RASA3: variants seen among roughly 807,000 people sequenced by gnomAD.
RASA3 encodes RAS p21 protein activator 3.
In RASA3, 73 loss-of-function variants were observed where a neutral mutation model predicts 110.0. The ratio of observed to expected loss-of-function variants is 0.66; its 90% CI spans 0.55 to 0.81. RASA3 has a LOEUF of 0.81. RASA3 is among the 30% of genes least tolerant of loss of function. RASA3 has a pLI of 0.00. For missense variants in RASA3, 976 were observed against 1,113.2 expected (o/e 0.88, Z 1.75); for synonymous variants, 500 against 451.4 (o/e 1.11, Z -1.37).
intron 2 of RASA3, among the ~76,000 whole-genome samples, chr13:114,069,163 C>T (rs2079509557): frequency 6.6e-6 from 1 of 152,064 alleles, no homozygotes; most frequent in African/African-American, 2.4e-5. Context: ...TTCCGCCTTT[C>T]CTTCCTCACA....
chr13:114,110,323 C>T (rs1000198421), intron 1 of RASA3, among the ~76,000 whole-genome samples: 5 of 152,216 alleles, frequency 3.3e-5, no homozygotes, highest in Non-Finnish European at 7.3e-5. Context: ...TGTGCTGTAA[C>T]GCCTGCAAGG....
Position 114,041,050 on chromosome 13 carries a change from T to C in RASA3, c.322A>G (p.Arg108Gly), listed in dbSNP as rs775557003. 1 of 1,613,852 alleles carries C rather than the reference T, an allele frequency of 6.2e-7. No individual in the cohort carries two copies. The highest frequency in any genetic ancestry group is 1.7e-4 in the Middle Eastern group (1 of 6,056). The change falls in exon 4 of 24, where the codon AGG becomes GGG. Residue 108 changes from arginine to glycine, a missense_variant. Arg to Gly is a moderately radical substitution (Grantham distance 125). Around this residue, in one of 4 missense-constraint regions of RASA3, gnomAD observed 732 missense variants for 779.7 expected, o/e 0.94. Transcript: ENST00000334062. ...QKEDLQKYHNRDTWFQLQHVD... is the reference protein window; with the variant it reads ...QKEDLQKYHNGDTWFQLQHVD... ...TGCTGCAGCTGGAACCAGGTGTCCC[T>C]GTTGTGGTACTTCTGCAAGTCCTCC...
rs2053830494 is a variant in RASA3, at chr13:114,017,973, A to C, written c.1091+131T>G. On this transcript the variant is annotated intron_variant, in intron 11 of 23. Coordinates refer to ENST00000334062, the MANE Select transcript of RASA3 (RefSeq NM_007368.4). ...AACTGGGTCTGTGAAAGAAAACCTG[A>C]ATCAACATGGTTTCTGGGGACCCTT... 2.8e-6 allele frequency: 3 copies of C among 1,089,528 alleles called. No individual in the cohort carries two copies. In the South Asian group the frequency reaches 6.5e-5, roughly 24 times the overall value. The allele number at this position is 1,089,528 out of a possible 1,614,324, so 67.5% of individuals were successfully genotyped here.
intron 19 of RASA3, among the ~76,000 whole-genome samples, chr13:114,000,248 G>A (rs1190136702): frequency 1.3e-5 from 2 of 151,848 alleles, no homozygotes; most frequent in Non-Finnish European, 1.5e-5. Context: ...TGGGGATGAT[G>A]GCTGAATCAC....
chr13:114,109,657 A>C (rs539188117), intron 1 of RASA3, among the ~76,000 whole-genome samples: 1 of 152,060 alleles, frequency 6.6e-6, no homozygotes, highest in African/African-American at 2.4e-5. Flanking sequence ...GGAGCCCAGG[A>C]CTCTCTGACT....
At chr13:114,018,705 G>A (rs142773428) in intron 10 of RASA3, 58 bp downstream of exon 10, 5 of 1,591,654 alleles carry the variant, frequency 3.1e-6, no homozygotes, top group East Asian at 4.5e-5. Flanking sequence ...TGTAGGGTGG[G>A]GCCCCAGGCA....
At chr13:114,007,876 G>T (rs183691376) in intron 17 of RASA3, among the ~76,000 whole-genome samples, 180 of 152,390 alleles carry the variant, frequency 1.2e-3, no homozygotes, top group African/African-American at 4.1e-3. Context: ...CCACCCAGGG[G>T]TGACTCTAAG....
intron 19 of RASA3, among the ~76,000 whole-genome samples, chr13:114,000,001 C>T (rs1380398302): frequency 1.5e-5 from 1 of 66,748 alleles, no homozygotes; most frequent in African/African-American, 6.5e-5. Context: ...GGATCTCTAC[C>T]GGGGGGTCTC....
intron 4 of RASA3, among the ~76,000 whole-genome samples, chr13:114,031,293 C>T (rs538038677): frequency 4.0e-5 from 6 of 150,862 alleles, no homozygotes; most frequent in African/African-American, 9.8e-5. Flanking sequence ...GTCTGCCTGT[C>T]GGTGTCTGCC....
chr13:114,034,028 G>A (rs1279593505), intron 4 of RASA3, among the ~76,000 whole-genome samples: 3 of 152,226 alleles, frequency 2.0e-5, no homozygotes, highest in African/African-American at 7.2e-5. Flanking sequence ...CCGCCTGGCA[G>A]CGGGCCTGCT....
At chr13:114,058,429 A>C (rs1488273608) in intron 2 of RASA3, among the ~76,000 whole-genome samples, 2 of 152,234 alleles carry the variant, frequency 1.3e-5, no homozygotes, top group African/African-American at 4.8e-5. Flanking sequence ...TCGGGTGCTC[A>C]CCAGCCCGTG....
chr13:114,059,089 G>A (rs953993365), intron 2 of RASA3, among the ~76,000 whole-genome samples: 4 of 152,208 alleles, frequency 2.6e-5, no homozygotes, highest in Non-Finnish European at 5.9e-5. Flanking sequence ...CGAAGCGGAG[G>A]ATTGCTTGAG....
intron 9 of RASA3, among the ~76,000 whole-genome samples, chr13:114,019,386 C>T (rs998874005): frequency 2.6e-5 from 4 of 152,368 alleles, no homozygotes; most frequent in South Asian, 2.1e-4. Flanking sequence ...GTTTTCTGCC[C>T]GGACATTCTT....
At chr13:114,090,869 T>A (rs547042448) in intron 1 of RASA3, among the ~76,000 whole-genome samples, 5 of 152,068 alleles carry the variant, frequency 3.3e-5, no homozygotes, top group Non-Finnish European at 7.4e-5. Context: ...AAGTTTCAAG[T>A]AGAAGGTGGA....
intron 3 of RASA3, among the ~76,000 whole-genome samples, chr13:114,050,719 C>A (rs566060280): frequency 2.0e-5 from 3 of 152,366 alleles, no homozygotes; most frequent in African/African-American, 7.2e-5. Context: ...AGACAGCCTA[C>A]GCGTTACCTA....
rs113941822 is a variant in RASA3, at chr13:114,048,246, T to A, written c.277+3806A>T. Among the ~76,000 whole-genome samples, 1 of 141,702 alleles carries A rather than the reference T, an allele frequency of 7.1e-6. No individual in the cohort carries two copies. The highest frequency in any genetic ancestry group is 7.2e-5 in the Admixed American group (1 of 13,904). The allele number at this position is 141,702 out of a possible 152,430, so 93.0% of individuals were successfully genotyped here. ...AGGAGAATGGCGTGAACCCGGGAGG[T>A]GGAGGTTGCAGTGAGCCGAGATCGC... On this transcript the variant is annotated intron_variant, in intron 3 of 23. Coordinates refer to ENST00000334062, the MANE Select transcript of RASA3 (RefSeq NM_007368.4). The surrounding 1 kb of genome is among the most constrained non-coding windows in gnomAD (Gnocchi z 4.3).
intron 1 of RASA3, among the ~76,000 whole-genome samples, chr13:114,101,356 C>A (rs1165730007): frequency 6.6e-6 from 1 of 152,204 alleles, no homozygotes; most frequent in East Asian, 1.9e-4. Flanking sequence ...GGCCCCAGCA[C>A]CCCCTGCACC....
Position 114,076,649 on chromosome 13 carries a change from C to T in RASA3, c.56-2812G>A, listed in dbSNP as rs1005271916. Reference sequence around the variant, plus strand: ...GGCACGAAGGGGAGAACATGGCCGGCGAGCTTCTCCAGAGAGGGAAGGGAG... The same window carrying T: ...GGCACGAAGGGGAGAACATGGCCGGTGAGCTTCTCCAGAGAGGGAAGGGAG... On this transcript the variant is annotated intron_variant, in intron 1 of 23. Transcript: ENST00000334062. 4.6e-5 allele frequency among the ~76,000 whole-genome samples: 7 copies of T among 152,166 alleles called. No homozygotes were observed. In the South Asian group the frequency reaches 8.3e-4, roughly 18 times the overall value.
At position 114,048,111 on chromosome 13, in the gene RASA3, A is replaced by C. The variant is rs933819140; in HGVS notation, c.277+3941T>G. Among the ~76,000 whole-genome samples, 2 of 152,116 alleles carry C rather than the reference A, an allele frequency of 1.3e-5. No individual in the cohort carries two copies. Among genetic ancestry groups the C allele is most frequent in the South Asian group, 2.1e-4 (1 of 4,824 alleles). On this transcript the variant is annotated intron_variant, in intron 3 of 23. Coordinates refer to ENST00000334062, the MANE Select transcript of RASA3 (RefSeq NM_007368.4). The surrounding 1 kb of genome is among the most constrained non-coding windows in gnomAD (Gnocchi z 4.3). ...TGGGCGGATCACGAGGTCAGGAGAT[A>C]GAGACCACCTTGGCTAACACGGTGA...
Sources: gnomAD v4.1 joint callset for allele counts (sites outside exome capture counted in the v4.1 genomes callset) on GRCh38, gnomAD v4.1.1 for gene constraint, gnomAD v4.1.1 regional missense constraint, Gnocchi (gnomAD v3.1) non-coding constraint, MANE v1.5 for transcripts, NCBI Gene and HGNC (gene_info 2026-07-23, HGNC 2026-07-21) for gene names.